COL4A1: variants seen among roughly 807,000 people sequenced by gnomAD.
The protein encoded by COL4A1 is collagen type IV alpha 1 chain.
A neutral mutation model predicts 216.6 loss-of-function variants in COL4A1; 40 were observed. That is an observed-to-expected ratio of 0.18 (90% CI 0.14 to 0.24). The LOEUF is 0.24. COL4A1 is among the 10% of genes least tolerant of loss of function. The probability of loss-of-function intolerance (pLI) is 1.00; values close to 1 mark genes in which losing one functional copy is unlikely to be tolerated. For synonymous variants in COL4A1, 839 were observed against 810.7 expected, an observed-to-expected ratio of 1.03 and a Z score of -0.59; for missense variants, 1,628 against 2,196.8, an observed-to-expected ratio of 0.74 and a Z score of 5.18.
intron 2 of COL4A1, among the ~76,000 whole-genome samples, chr13:110,218,409 TG>T (rs1345278559): frequency 6.6e-6 from 1 of 152,150 alleles, no homozygotes; most frequent in Non-Finnish European, 1.5e-5. Flanking sequence ...CTGAGTGTAC[TG>T]GGTATGGCAG....
At chr13:110,188,698 G>C (rs1190150417) in intron 24 of COL4A1, among the ~76,000 whole-genome samples, 2 of 152,230 alleles carry the variant, frequency 1.3e-5, no homozygotes, top group Admixed American at 1.3e-4. Flanking sequence ...CATTACACAG[G>C]GGGAGAGGTG....
intron 20 of COL4A1, among the ~76,000 whole-genome samples, chr13:110,199,517 T>C (rs896361208): frequency 3.3e-5 from 5 of 152,188 alleles, no homozygotes; most frequent in Admixed American, 3.3e-4. Context: ...AAATACTGTG[T>C]GCCCTTCCTG....
chr13:110,237,447 G>A lies in COL4A1; in HGVS notation c.144+5228C>T, dbSNP rs1312379940. 2.6e-5 allele frequency among the ~76,000 whole-genome samples: 4 copies of A among 152,164 alleles called. No individual in the cohort carries two copies. Among genetic ancestry groups the A allele is most frequent in the Non-Finnish European group, 5.9e-5 (4 of 68,036 alleles). The stretch of plus-strand genomic sequence containing the variant: ...GATATATTTATGTCACGACTGCTGG[G>A]GTGGGGGTGCTCCTGGCATCCGATG... On this transcript the variant is annotated intron_variant, in intron 2 of 51. Coordinates refer to ENST00000375820, the MANE Select transcript of COL4A1 (RefSeq NM_001845.6).
chr13:110,242,714 G>A lies in COL4A1; in HGVS notation c.105C>T (p.Gly35=). Residue 35 remains glycine, a synonymous_variant, in exon 2 of 52, where the codon GGC becomes GGT. Transcript: ENST00000375820. The part of the protein sequence containing the change: ...AAAKGGCAGS[G]CGKCDCHGVK... ...CTCCATGGCAGTCACATTTGCCACA[G>A]CCAGAGCCAGCACAGCCACCCTGGA... The A allele has an allele frequency of 1.2e-6, 2 of 1,614,218 alleles. No individual in the cohort carries two copies. Among genetic ancestry groups the A allele is most frequent in the Non-Finnish European group, 1.7e-6 (2 of 1,180,040 alleles).
intron 49 of COL4A1, among the ~76,000 whole-genome samples, chr13:110,159,343 T>C (rs775722007): frequency 3.3e-5 from 5 of 152,192 alleles, no homozygotes; most frequent in Admixed American, 1.3e-4. Flanking sequence ...AGCACAGATA[T>C]ACATACAATA....
chr13:110,293,028 C>T (rs950554571), intron 1 of COL4A1, among the ~76,000 whole-genome samples: 1 of 152,210 alleles, frequency 6.6e-6, no homozygotes, highest in African/African-American at 2.4e-5. Context: ...TTCCCACCTA[C>T]ACAACTTACC....
intron 23 of COL4A1, 23 bp from the exon 24 acceptor site, chr13:110,192,307 A>T: frequency 6.2e-7 from 1 of 1,609,358 alleles, no homozygotes; most frequent in East Asian, 2.2e-5. Context: ...AGAGGGAAAA[A>T]GACAGCAACA....
chr13:110,180,400 G>A (rs1430314260), intron 29 of COL4A1, among the ~76,000 whole-genome samples: 1 of 152,220 alleles, frequency 6.6e-6, no homozygotes, highest in African/African-American at 2.4e-5. Flanking sequence ...AGGGCACCCT[G>A]CTGTCAGGTA....
intron 1 of COL4A1, among the ~76,000 whole-genome samples, chr13:110,289,733 A>G (rs1044381805): frequency 4.6e-5 from 7 of 152,194 alleles, no homozygotes; most frequent in Non-Finnish European, 5.9e-5. Context: ...AGGGCTAAAT[A>G]CCAACATCTC....
intron 21 of COL4A1, among the ~76,000 whole-genome samples, chr13:110,195,917 C>A (rs1878866201): frequency 6.6e-6 from 1 of 152,200 alleles, no homozygotes; most frequent in African/African-American, 2.4e-5. Context: ...AAGTCATGGG[C>A]AGTCTCTGTT....
rs184759123 is a variant in COL4A1 at position 110,261,742 on chromosome 13, C to T, written c.85-19008G>A. On this transcript the variant is annotated intron_variant, in intron 1 of 51. Transcript: ENST00000375820. The stretch of plus-strand genomic sequence containing the variant: ...CCCAGGTGGAGACAGTGAGGGAAGC[C>T]GCGCAGGGGCAGGGGCTCTGCCAGA... Among the ~76,000 whole-genome samples the T allele has an allele frequency of 3.2e-3, 484 of 152,300 alleles. 1 individual carries two copies. Among genetic ancestry groups the T allele is most frequent in the Middle Eastern group, 0.01 (3 of 294 alleles).
intron 31 of COL4A1, among the ~76,000 whole-genome samples, chr13:110,178,679 A>G (rs1878001261): frequency 2.6e-5 from 4 of 152,234 alleles, no homozygotes; most frequent in Non-Finnish European, 5.9e-5. Flanking sequence ...GTGAAACGTG[A>G]CGGAGTACAC....
chr13:110,211,674 C>A lies in COL4A1; in HGVS notation c.442-1G>T. 6.2e-7 allele frequency: 1 copy of A among 1,610,244 alleles called. No homozygotes were observed. The highest frequency in any genetic ancestry group is 1.1e-5 in the South Asian group (1 of 89,862). On this transcript the variant is annotated splice_acceptor_variant, in intron 7 of 51. Coordinates refer to ENST00000375820, the MANE Select transcript of COL4A1 (RefSeq NM_001845.6). LOFTEE classifies it high-confidence loss of function. The surrounding 1 kb of genome is among the most constrained non-coding windows in gnomAD (Gnocchi z 4.3). ...TCATCCCTGGTAAGCCTGGTGGTCC[C>A]TAAAAAAGAAAGTTTTGGTGTTAGT... is the stretch of plus-strand genomic sequence containing the variant.
At chr13:110,274,047 C>A (rs1415893149) in intron 1 of COL4A1, among the ~76,000 whole-genome samples, 1 of 152,082 alleles carries the variant, frequency 6.6e-6, no homozygotes, top group African/African-American at 2.4e-5. Context: ...CTGTATTGTG[C>A]ATTTGCTTAT....
At chr13:110,169,368 C>T (rs757857911) in intron 43 of COL4A1, among the ~76,000 whole-genome samples, 1 of 152,072 alleles carries the variant, frequency 6.6e-6, no homozygotes, top group Non-Finnish European at 1.5e-5. Context: ...TAACATTTCC[C>T]TTTTATGGTT....
In COL4A1 at chr13:110,268,617, C is replaced by A. The variant is rs764564667; in HGVS notation, c.85-25883G>T. 2.0e-5 allele frequency among the ~76,000 whole-genome samples: 3 copies of A among 152,198 alleles called. No individual in the cohort carries two copies. Among genetic ancestry groups the A allele is most frequent in the Non-Finnish European group, 4.4e-5 (3 of 68,042 alleles). The stretch of plus-strand genomic sequence containing the variant: ...TTCAAGCCTCAGTTAAAATGCTGGC[C>A]GTGCCACTGTGCTCTGCTGGCCATT... On this transcript the variant is annotated intron_variant, in intron 1 of 51. Coordinates refer to ENST00000375820, the MANE Select transcript of COL4A1 (RefSeq NM_001845.6). This position sits in a 1 kb window ranked among gnomAD's most constrained non-coding sequence, Gnocchi z 4.1.
intron 1 of COL4A1, among the ~76,000 whole-genome samples, chr13:110,276,934 G>A (rs368918088): frequency 1.3e-5 from 2 of 152,234 alleles, no homozygotes; most frequent in East Asian, 3.9e-4. Flanking sequence ...TTAAAATTGA[G>A]GCCCCAGGCT....
intron 49 of COL4A1, among the ~76,000 whole-genome samples, chr13:110,159,042 C>T (rs1056526446): frequency 2.0e-5 from 3 of 152,248 alleles, no homozygotes; most frequent in African/African-American, 7.2e-5. Flanking sequence ...TGTGCCTGGC[C>T]AGCAATAAAC....
chr13:110,166,764 A>G (rs1877363776), intron 44 of COL4A1, among the ~76,000 whole-genome samples: 1 of 152,188 alleles, frequency 6.6e-6, no homozygotes, highest in African/African-American at 2.4e-5. Context: ...GTTGGACCAC[A>G]AGACACCTTG....
Sources: allele counts gnomAD v4.1 joint callset (sites outside exome capture counted in the v4.1 genomes callset), GRCh38; gene constraint gnomAD v4.1.1; non-coding constraint Gnocchi (gnomAD v3.1); transcripts MANE v1.5; gene names NCBI Gene and HGNC (gene_info 2026-07-23, HGNC 2026-07-21).